Variants in RPH3A observed in about 807,000 individuals in gnomAD.
RPH3A encodes the protein rabphilin-3A.
Under a neutral mutation model 102.2 loss-of-function variants are expected in RPH3A, and 48 were observed. The ratio of observed to expected loss-of-function variants is 0.47; its 90% CI spans 0.37 to 0.60. The LOEUF is 0.60. Ranked by LOEUF, RPH3A falls within the 20% of genes least tolerant of loss-of-function variation. The pLI is 0.00. For missense variants in RPH3A, 781 were observed against 910.1 expected, an observed-to-expected ratio of 0.86 and a Z score of 1.83; for synonymous variants, 310 against 324.3, an observed-to-expected ratio of 0.96 and a Z score of 0.47.
intron 1 of RPH3A, among the ~76,000 whole-genome samples, chr12:112,643,755 T>G (rs1327640241): frequency 6.6e-6 from 1 of 152,166 alleles, no homozygotes; most frequent in Non-Finnish European, 1.5e-5. Flanking sequence ...GGGAAGAAAG[T>G]CAACAGATAA....
rs115094985 is a variant in RPH3A, at chr12:112,860,682, G to A, written c.231-4732G>A. The stretch of plus-strand genomic sequence containing the variant: ...ATGAGGCAGGAGGCTGTGGGGATTC[G>A]TGGAAAGCAAAGATGATTGACTGAA... On this transcript the variant is annotated intron_variant, in intron 5 of 21. Transcript: ENST00000389385. 5.4e-3 allele frequency among the ~76,000 whole-genome samples: 815 copies of A among 152,320 alleles called. 12 individuals are homozygous for A. The highest frequency in any genetic ancestry group is 0.018 in the African/African-American group (743 of 41,566).
chr12:112,869,729 C>T (rs374612736), intron 8 of RPH3A, 30 bp from the exon 9 acceptor site: 5 of 1,612,424 alleles, frequency 3.1e-6, no homozygotes, highest in Non-Finnish European at 4.2e-6. Context: ...AAAACCAGTA[C>T]TCCTCATAAT....
intron 1 of RPH3A, among the ~76,000 whole-genome samples, chr12:112,743,303 G>C (rs893713241): frequency 1.3e-5 from 2 of 152,210 alleles, no homozygotes; most frequent in African/African-American, 2.4e-5. Flanking sequence ...TGTTCACTGT[G>C]GTTCCCACAG....
Position 112,678,942 on chromosome 12 carries a change from G to A in RPH3A, c.-140+103623G>A, listed in dbSNP as rs1181220286. Among the ~76,000 whole-genome samples, 4 of 151,966 alleles carry A rather than the reference G, an allele frequency of 2.6e-5. No individual in the cohort carries two copies. The East Asian group carries it at 7.7e-4, about 29-fold the overall frequency. ...TAATATTTTTCTTCTGTTTTTCTTT[G>A]TCCTTTCTGTCTCTATCCTTGGGCT... On this transcript the variant is annotated intron_variant, in intron 1 of 21. Coordinates refer to the RPH3A transcript ENST00000543106.
chr12:112,704,463 A>G (rs748193556), intron 1 of RPH3A, among the ~76,000 whole-genome samples: 5 of 152,104 alleles, frequency 3.3e-5, no homozygotes, highest in Non-Finnish European at 7.4e-5. Context: ...CCTTTGCTCA[A>G]AGGTTCAGTT....
intron 1 of RPH3A, among the ~76,000 whole-genome samples, chr12:112,727,402 A>AT (rs1364999268): frequency 1.1e-4 from 14 of 130,644 alleles, no homozygotes; most frequent in South Asian, 5.3e-4. Flanking sequence ...AAAAAAAAAA[A>AT]AAAAATATAT....
At chr12:112,798,788 T>A (rs2041284479) in intron 2 of RPH3A, among the ~76,000 whole-genome samples, 1 of 151,046 alleles carries the variant, frequency 6.6e-6, no homozygotes, top group Non-Finnish European at 1.5e-5. Flanking sequence ...TTCCCACCCC[T>A]TAAATAATTC....
chr12:112,727,909 G>A (rs980720856), intron 1 of RPH3A, among the ~76,000 whole-genome samples: 3 of 152,120 alleles, frequency 2.0e-5, no homozygotes, highest in African/African-American at 7.2e-5. Flanking sequence ...CTGGGATGAC[G>A]ATTTCTTCCC....
intron 1 of RPH3A, among the ~76,000 whole-genome samples, chr12:112,591,860 G>C (rs777195016): frequency 6.6e-6 from 1 of 152,130 alleles, no homozygotes; most frequent in Non-Finnish European, 1.5e-5. Flanking sequence ...AGAAGCTCGA[G>C]CCAGGTCATC....
chr12:112,700,414 T>C (rs2040385155), intron 1 of RPH3A, among the ~76,000 whole-genome samples: 1 of 152,222 alleles, frequency 6.6e-6, no homozygotes, highest in Non-Finnish European at 1.5e-5. Context: ...TTACTAGCCA[T>C]ACAGCCACCC....
chr12:112,812,110 C>T (rs1258204402), intron 2 of RPH3A, among the ~76,000 whole-genome samples: 1 of 151,754 alleles, frequency 6.6e-6, no homozygotes, highest in Non-Finnish European at 1.5e-5. Flanking sequence ...AGCATTGAGT[C>T]TAATTGGCTT....
chr12:112,768,361 C>T (rs1565874775), intron 1 of RPH3A, among the ~76,000 whole-genome samples: 1 of 152,122 alleles, frequency 6.6e-6, no homozygotes, highest in African/African-American at 2.4e-5. Context: ...TGGCCTATTG[C>T]ACTCTACACC....
At chr12:112,654,651 C>T (rs935524974) in intron 1 of RPH3A, among the ~76,000 whole-genome samples, 1 of 152,156 alleles carries the variant, frequency 6.6e-6, no homozygotes. Flanking sequence ...GACATCACCC[C>T]AAGCCTCAGC....
At chr12:112,627,630 C>T (rs2039775808) in intron 1 of RPH3A, among the ~76,000 whole-genome samples, 1 of 151,976 alleles carries the variant, frequency 6.6e-6, no homozygotes, top group African/African-American at 2.4e-5. Context: ...CCAGTGCTGA[C>T]ATTCTAGTGG....
intron 17 of RPH3A, 91 bp downstream of exon 17, chr12:112,888,014 C>A: frequency 2.1e-6 from 3 of 1,455,888 alleles, no homozygotes; most frequent in Non-Finnish European, 9.4e-7. Flanking sequence ...AATAGATCCA[C>A]GGGGTATTGG....
chr12:112,827,240 T>C lies in RPH3A; in HGVS notation c.-18-1061T>C, dbSNP rs989066494. Among the ~76,000 whole-genome samples the C allele has an allele frequency of 1.3e-5, 2 of 152,196 alleles. 1 individual carries two copies. Among genetic ancestry groups the C allele is most frequent in the South Asian group, 4.1e-4 (2 of 4,830 alleles). On this transcript the variant is annotated intron_variant, in intron 2 of 21. Coordinates refer to ENST00000389385, the MANE Select transcript of RPH3A (RefSeq NM_001143854.2). ...CACCTCCCCCAGCCTGGGCAACCAC[T>C]AATCTCATTTTTATCTTTTATAGAT...
intron 1 of RPH3A, among the ~76,000 whole-genome samples, chr12:112,640,281 C>A (rs1490422249): frequency 7.6e-6 from 1 of 131,330 alleles, no homozygotes; most frequent in Admixed American, 9.0e-5. Context: ...ACCGAGATAG[C>A]ACCATTGCAC....
At chr12:112,644,736 C>A (rs1380701458) in intron 1 of RPH3A, among the ~76,000 whole-genome samples, 3 of 152,224 alleles carry the variant, frequency 2.0e-5, no homozygotes, top group Admixed American at 2.0e-4. Flanking sequence ...CTTACTCATC[C>A]TCATCTTTAG....
intron 16 of RPH3A, among the ~76,000 whole-genome samples, chr12:112,885,542 CATAGTT>C (rs1238562654): frequency 6.6e-6 from 1 of 152,098 alleles, no homozygotes; most frequent in East Asian, 1.9e-4. Flanking sequence ...CTGCTTTTTT[CATAGTT>C]ATAAACAATA....
Sources: gnomAD v4.1 joint callset for allele counts (sites outside exome capture counted in the v4.1 genomes callset) on GRCh38, gnomAD v4.1.1 for gene constraint, MANE v1.5 for transcripts, NCBI Gene and HGNC (gene_info 2026-07-23, HGNC 2026-07-21) for gene names.